The following CRB1 variants were observed in gnomAD, a reference collection of about 807,000 sequenced individuals.
The protein encoded by CRB1 is crumbs cell polarity complex component 1.
In CRB1, 83 loss-of-function variants were observed where a neutral mutation model predicts 120.0. The observed-to-expected ratio is 0.69, with a 90% CI of 0.58 to 0.83. The LOEUF (loss-of-function observed/expected upper bound fraction) is 0.83. Ranked by LOEUF, CRB1 falls within the 40% of genes least tolerant of loss-of-function variation. The pLI is 0.00. For missense variants in CRB1, 1,699 were observed against 1,687.6 expected (o/e 1.01, Z -0.12); for synonymous variants, 625 against 612.5 (o/e 1.02, Z -0.30).
At chr1:197,436,653 G>A (rs1009460926) in intron 9 of CRB1, among the ~76,000 whole-genome samples, 1 of 152,086 alleles carries the variant, frequency 6.6e-6, no homozygotes, top group Admixed American at 6.6e-5. Flanking sequence ...ATACAAAACT[G>A]TTTAATATCC....
chr1:197,271,618 TA>T (rs1464278919), intron 1 of CRB1, among the ~76,000 whole-genome samples: 2 of 152,210 alleles, frequency 1.3e-5, no homozygotes, highest in African/African-American at 4.8e-5. Flanking sequence ...GAAGAGCTAT[TA>T]TTTTTTGCTT....
intron 1 of CRB1, among the ~76,000 whole-genome samples, chr1:197,271,466 C>T (rs932228047): frequency 5.3e-5 from 8 of 152,150 alleles, no homozygotes; most frequent in Non-Finnish European, 7.4e-5. Context: ...CAGGAAGTGA[C>T]ATTCCCTTTC....
At chr1:197,446,102 A>G (rs1462776227) in intron 11 of CRB1, among the ~76,000 whole-genome samples, 1 of 152,010 alleles carries the variant, frequency 6.6e-6, no homozygotes, top group Non-Finnish European at 1.5e-5. Flanking sequence ...AGGAAGGAGA[A>G]TCACTTTAAC....
intron 5 of CRB1, among the ~76,000 whole-genome samples, chr1:197,403,425 C>G (rs1007902077): frequency 6.6e-6 from 1 of 152,082 alleles, no homozygotes; most frequent in Non-Finnish European, 1.5e-5. Flanking sequence ...GATGGCTTCT[C>G]GGGAAGTTCT....
chr1:197,454,761 A>G (rs1443483693), intron 11 of CRB1, among the ~76,000 whole-genome samples: 1 of 152,164 alleles, frequency 6.6e-6, no homozygotes, highest in East Asian at 1.9e-4. Context: ...AATCTCCCTA[A>G]AATGATCACT....
In CRB1 at chr1:197,383,451, G is replaced by T. The variant is rs563018989; in HGVS notation, c.1171+26438G>T. Among the ~76,000 whole-genome samples the T allele has an allele frequency of 1.2e-4, 19 of 152,284 alleles. No individual in the cohort carries two copies. In the South Asian group the frequency reaches 3.9e-3, roughly 32 times the overall value. On this transcript the variant is annotated intron_variant, in intron 5 of 11. Transcript: ENST00000367400. ...GTACCTGGAGCTGGTCCTGAAGCAA[G>T]AATTAAGGAGCTGCTACATACACGA...
intron 1 of CRB1, among the ~76,000 whole-genome samples, chr1:197,290,316 G>A (rs1277456083): frequency 1.4e-5 from 2 of 146,308 alleles, no homozygotes; most frequent in Admixed American, 6.9e-5. Flanking sequence ...TTGAAGAGAA[G>A]TGGATCTCAG....
chr1:197,339,596 C>G (rs1413461654), intron 2 of CRB1, among the ~76,000 whole-genome samples: 1 of 152,176 alleles, frequency 6.6e-6, no homozygotes, highest in Non-Finnish European at 1.5e-5. Flanking sequence ...AATGGTTTAT[C>G]AACACCTTGC....
the CRB1 span, among the ~76,000 whole-genome samples, chr1:197,206,089 A>G: frequency 6.6e-6 from 1 of 152,042 alleles, no homozygotes; most frequent in African/African-American, 2.4e-5. Context: ...TTTCTGTGGT[A>G]TCAGCTGTAA....
chr1:197,343,498 A>T (rs1012034966), intron 2 of CRB1, among the ~76,000 whole-genome samples: 3 of 152,100 alleles, frequency 2.0e-5, no homozygotes, highest in Admixed American at 2.0e-4. Context: ...TTAACATAAC[A>T]TTACCTTAAA....
At chr1:197,287,055 T>G (rs967734327) in intron 1 of CRB1, among the ~76,000 whole-genome samples, 5 of 151,846 alleles carry the variant, frequency 3.3e-5, no homozygotes, top group Admixed American at 3.3e-4. Flanking sequence ...TTATAAAATT[T>G]CAAAAATTCA....
chr1:197,253,255 G>T, the CRB1 span, among the ~76,000 whole-genome samples: 1 of 151,578 alleles, frequency 6.6e-6, no homozygotes, highest in South Asian at 2.1e-4. Flanking sequence ...TTTTCCCCTG[G>T]GCCTTGAATT....
chr1:197,423,180 T>TAAAA (rs1414016050), intron 6 of CRB1, among the ~76,000 whole-genome samples: 1 of 152,226 alleles, frequency 6.6e-6, no homozygotes, highest in Non-Finnish European at 1.5e-5. Flanking sequence ...TGACTCATTT[T>TAAAA]GACTGGCTTC....
chr1:197,421,234 G>C lies in CRB1; in HGVS notation c.1406G>C (p.Cys469Ser), dbSNP rs1274726488. The C allele has an allele frequency of 1.2e-6, 2 of 1,614,040 alleles. No homozygotes were observed. Among genetic ancestry groups the C allele is most frequent in the Admixed American group, 1.7e-5 (1 of 60,006 alleles). ...CAAGATGGCCAGCATGGATTCAGCT[G>C]CCTATGTCCATCTGGCTACACCGGG... ...HFQDGQHGFS[C>S]LCPSGYTGSL... Residue 469 changes from cysteine (C) to serine (S), a missense_variant, in exon 6 of 12, where the codon TGC becomes TCC. Cys to Ser is a moderately radical substitution (Grantham distance 112). Transcript: ENST00000367400.
At chr1:197,375,912 C>T (rs923386913) in intron 5 of CRB1, among the ~76,000 whole-genome samples, 2 of 152,102 alleles carry the variant, frequency 1.3e-5, no homozygotes, top group Admixed American at 1.3e-4. Context: ...TTTCACTTCC[C>T]GGTAACCTCC....
chr1:197,291,928 G>T (rs1656206218), intron 1 of CRB1, among the ~76,000 whole-genome samples: 1 of 151,868 alleles, frequency 6.6e-6, no homozygotes, highest in Admixed American at 6.6e-5. Context: ...GTGTGTAGAG[G>T]GAAATATATA....
intron 5 of CRB1, among the ~76,000 whole-genome samples, chr1:197,417,371 G>A (rs1664060215): frequency 6.6e-6 from 1 of 152,202 alleles, no homozygotes; most frequent in Non-Finnish European, 1.5e-5. Flanking sequence ...CCTACTGCAG[G>A]TTAAGGGTAC....
chr1:197,415,835 G>A lies in CRB1; in HGVS notation c.1172-5165G>A, dbSNP rs371357647. On this transcript the variant is annotated intron_variant, in intron 5 of 11. Transcript: ENST00000367400. ...TTTTTTGTATTTTTAATAGAGATGGGGTTTCACCGTGTTAGCCAGGATGGT... is the reference window on the plus strand; with the variant it reads ...TTTTTTGTATTTTTAATAGAGATGGAGTTTCACCGTGTTAGCCAGGATGGT... 2.6e-5 allele frequency among the ~76,000 whole-genome samples: 4 copies of A among 151,220 alleles called. No individual in the cohort carries two copies. The South Asian group carries it at 6.3e-4, about 24-fold the overall frequency.
chr1:197,284,952 C>T (rs1655739309), intron 1 of CRB1, among the ~76,000 whole-genome samples: 1 of 151,812 alleles, frequency 6.6e-6, no homozygotes, highest in African/African-American at 2.4e-5. Context: ...CCTATGATGT[C>T]CTTGAAATCA....
Sources: allele counts gnomAD v4.1 joint callset (sites outside exome capture counted in the v4.1 genomes callset), GRCh38; gene constraint gnomAD v4.1.1; transcripts MANE v1.5; gene names NCBI Gene and HGNC (gene_info 2026-07-23, HGNC 2026-07-21).